LAMC2: variants seen among roughly 807,000 people sequenced by gnomAD.
The protein encoded by LAMC2 is laminin subunit gamma-2.
Under a neutral mutation model 140.2 loss-of-function variants are expected in LAMC2, and 97 were observed. That is an observed-to-expected ratio of 0.69 (90% CI 0.59 to 0.82). LAMC2 has a LOEUF of 0.82. LAMC2 is among the 40% of genes least tolerant of loss of function. LAMC2 has a pLI of 0.00. For missense variants in LAMC2, 1,402 were observed against 1,476.1 expected, an observed-to-expected ratio of 0.95 and a Z score of 0.82; for synonymous variants, 513 against 540.2, an observed-to-expected ratio of 0.95 and a Z score of 0.70.
chr1:183,257,782 T>C, the LAMC2 span, among the ~76,000 whole-genome samples: 1 of 150,750 alleles, frequency 6.6e-6, no homozygotes, highest in African/African-American at 2.5e-5. Flanking sequence ...GGTTTGTCAA[T>C]TTTGTTTTTT....
At chr1:183,235,477 A>T in intron 15 of LAMC2, 98 bp from the exon 16 acceptor site, 2 of 1,345,386 alleles carry the variant, frequency 1.5e-6, no homozygotes, top group Non-Finnish European at 1.1e-6. Flanking sequence ...TTTCTAAATC[A>T]GACCAGCTCC....
intron 11 of LAMC2, among the ~76,000 whole-genome samples, chr1:183,230,286 C>T (rs1239771005): frequency 6.6e-6 from 1 of 152,172 alleles, no homozygotes; most frequent in African/African-American, 2.4e-5. Context: ...AAGGAAGATA[C>T]ACAAATATGT....
At position 183,238,358 on chromosome 1, in the gene LAMC2, G is replaced by A. The variant is rs750594512; in HGVS notation, c.2806G>A (p.Glu936Lys). 5.0e-6 allele frequency: 8 copies of A among 1,614,002 alleles called. No homozygotes were observed. The highest frequency in any genetic ancestry group is 6.8e-6 in the Non-Finnish European group (8 of 1,179,998). The change falls in exon 19 of 23, where the codon GAA becomes AAA. Residue 936 changes from glutamate to lysine, a missense_variant. This residue lies in a region of LAMC2 where 670 missense variants were observed against 667.2 expected (regional missense o/e 1.00). Transcript: ENST00000264144. ...CAATCTTGCTAAAAGCAGAGCACAAGAAGCACTGAGTATGGGCAATGCCAC... is the reference window on the plus strand; with the variant it reads ...CAATCTTGCTAAAAGCAGAGCACAAAAAGCACTGAGTATGGGCAATGCCAC... ...RANLAKSRAQ[E>K]ALSMGNATFY...
At chr1:183,205,165 T>C (rs1318324839) in intron 1 of LAMC2, among the ~76,000 whole-genome samples, 1 of 152,176 alleles carries the variant, frequency 6.6e-6, no homozygotes, top group Non-Finnish European at 1.5e-5. Context: ...TTTGTAGTTA[T>C]TTTGAGATTG....
chr1:183,232,477 G>T, intron 13 of LAMC2, 134 bp downstream of exon 13: 4 of 1,157,592 alleles, frequency 3.5e-6, no homozygotes, highest in Non-Finnish European at 5.1e-6. Context: ...GAAGTGGAAG[G>T]ACTGTCTGTG....
intron 2 of LAMC2, among the ~76,000 whole-genome samples, chr1:183,209,149 AT>A (rs916595138): frequency 4.1e-4 from 61 of 150,308 alleles, no homozygotes; most frequent in African/African-American, 8.8e-4. Flanking sequence ...TGTAAATAAG[AT>A]TTTTTTTTTA....
chr1:183,206,710 G>A (rs1278711137), intron 1 of LAMC2, among the ~76,000 whole-genome samples: 2 of 151,786 alleles, frequency 1.3e-5, no homozygotes, highest in Non-Finnish European at 2.9e-5. Context: ...CTGACACAGA[G>A]CCTGCACAGG....
At chr1:183,239,739 G>GT (rs967295615) in intron 20 of LAMC2, 176 bp downstream of exon 20, 9 of 660,760 alleles carry the variant, frequency 1.4e-5, no homozygotes, top group Middle Eastern at 4.2e-4. Context: ...AGAATGATGT[G>GT]TTTTTTTGTC....
intron 3 of LAMC2, among the ~76,000 whole-genome samples, chr1:183,217,303 G>A (rs375045744): frequency 1.3e-5 from 2 of 152,090 alleles, no homozygotes; most frequent in African/African-American, 4.8e-5. Flanking sequence ...TAGGGAGATT[G>A]TGCCAGAATT....
rs1450921576 is a variant in LAMC2, at chr1:183,207,933, C to A, written c.132C>A (p.His44Gln). The change falls in exon 2 of 23, where the codon CAC becomes CAA. Residue 44 changes from histidine (H) to glutamine (Q), a missense_variant. His to Gln is a conservative substitution (Grantham distance 24). This residue lies in a region of LAMC2 where 723 missense variants were observed against 783.3 expected (regional missense o/e 0.92). Transcript: ENST00000264144. ...AGTGTATCTTTGATCGGGAACTTCA[C>A]AGACAAACTGGTAATGGATTCCGCT... ...SRQCIFDREL[H>Q]RQTGNGFRCL... The A allele has an allele frequency of 3.1e-6, 5 of 1,613,002 alleles. No homozygotes were observed. The highest frequency in any genetic ancestry group is 4.2e-6 in the Non-Finnish European group (5 of 1,179,886).
the LAMC2 span, among the ~76,000 whole-genome samples, chr1:183,257,417 G>A: frequency 6.6e-6 from 1 of 152,102 alleles, no homozygotes; most frequent in Non-Finnish European, 1.5e-5. Flanking sequence ...CTCCAGCCTG[G>A]GCGACAGAGT....
At chr1:183,213,540 G>A (rs958752329) in intron 2 of LAMC2, among the ~76,000 whole-genome samples, 1 of 152,162 alleles carries the variant, frequency 6.6e-6, no homozygotes, top group Admixed American at 6.5e-5. Context: ...CCTGGGTCAT[G>A]CCTATAATCC....
chr1:183,232,254 G>A lies in LAMC2; in HGVS notation c.1925G>A (p.Gly642Glu). ...ALISKAQGGD[G>E]VVPDTELEGR... is the part of the protein sequence containing the mutation. The stretch of plus-strand genomic sequence containing the variant: ...ATTTCAAAGGCTCAGGGTGGTGATG[G>A]AGTAGTACCTGATACAGAGCTGGAA... The change falls in exon 13 of 23, where the codon GGA becomes GAA. Residue 642 changes from glycine (G) to glutamate (E), a missense_variant. By Grantham distance (98) the Gly-to-Glu change is moderately conservative. This residue lies in a region of LAMC2 where 670 missense variants were observed against 667.2 expected (regional missense o/e 1.00). Transcript: ENST00000264144. 7 of 1,614,094 alleles carry A rather than the reference G, an allele frequency of 4.3e-6. No homozygotes were observed. Among genetic ancestry groups the A allele is most frequent in the Non-Finnish European group, 5.9e-6 (7 of 1,180,026 alleles).
intron 2 of LAMC2, among the ~76,000 whole-genome samples, chr1:183,211,099 C>A (rs919832161): frequency 1.3e-5 from 2 of 152,216 alleles, no homozygotes; most frequent in Admixed American, 1.3e-4. Flanking sequence ...TAATAAACCC[C>A]AGAGTAGTCA....
Position 183,219,065 on chromosome 1 carries a change from C to G in LAMC2, c.503+577C>G, listed in dbSNP as rs553899760. On this transcript the variant is annotated intron_variant, in intron 4 of 22. Coordinates refer to ENST00000264144, the MANE Select transcript of LAMC2 (RefSeq NM_005562.3). ...GGTGGAGCAGTGAGGCACCATCCCCCCAAGCTGCCGGTGCAGGACGTGCCT... is the reference window on the plus strand; with the variant it reads ...GGTGGAGCAGTGAGGCACCATCCCCGCAAGCTGCCGGTGCAGGACGTGCCT... Among the ~76,000 whole-genome samples the G allele has an allele frequency of 8.5e-5, 13 of 152,320 alleles. No individual in the cohort carries two copies. In the South Asian group the frequency reaches 1.4e-3, roughly 17 times the overall value.
intron 3 of LAMC2, among the ~76,000 whole-genome samples, chr1:183,216,944 C>T (rs1659284293): frequency 6.6e-6 from 1 of 152,126 alleles, no homozygotes; most frequent in African/African-American, 2.4e-5. Context: ...TCTTAGCATC[C>T]CCGGTTCTGA....
downstream of LAMC2, among the ~76,000 whole-genome samples, chr1:183,246,313 G>A (rs966879163): frequency 1.3e-5 from 2 of 152,156 alleles, no homozygotes; most frequent in African/African-American, 2.4e-5. Flanking sequence ...GACCTGAAAA[G>A]TTATCCCTTA....
chr1:183,190,896 A>C (rs1473238257), intron 1 of LAMC2, among the ~76,000 whole-genome samples: 1 of 152,214 alleles, frequency 6.6e-6, no homozygotes, highest in Non-Finnish European at 1.5e-5. Context: ...TGGAAAGTAC[A>C]TCATTTTCAA....
intron 1 of LAMC2, among the ~76,000 whole-genome samples, chr1:183,205,442 T>A (rs1016378671): frequency 6.6e-5 from 10 of 152,248 alleles, no homozygotes; most frequent in African/African-American, 2.4e-4. Context: ...AAATGTAATA[T>A]GCTGTAAGTT....
Sources: allele counts gnomAD v4.1 joint callset (sites outside exome capture counted in the v4.1 genomes callset), GRCh38; gene constraint gnomAD v4.1.1; regional missense constraint gnomAD v4.1.1; transcripts MANE v1.5; gene names NCBI Gene and HGNC (gene_info 2026-07-23, HGNC 2026-07-21).